Variants in SND1 observed in about 807,000 individuals in gnomAD.
The protein encoded by SND1 is staphylococcal nuclease and tudor domain containing 1, also known as staphylococcal nuclease domain-containing protein 1.
SND1 carries 38 observed loss-of-function variants against 121.7 expected under a neutral mutation model. The observed-to-expected ratio is 0.31, with a 90% CI of 0.24 to 0.41. The LOEUF (loss-of-function observed/expected upper bound fraction) is 0.41, where lower values mean the gene tolerates loss of function less well. SND1 is among the 10% of genes least tolerant of loss of function. The pLI, the probability that SND1 is intolerant of heterozygous loss-of-function variation, is 1.00. For synonymous variants in SND1, 401 were observed against 447.4 expected, an observed-to-expected ratio of 0.90 and a Z score of 1.31; for missense variants, 868 against 1,184.6, an observed-to-expected ratio of 0.73 and a Z score of 3.92.
chr7:127,857,876 TG>T (rs1312610400), intron 12 of SND1: 4 of 1,327,164 alleles, frequency 3.0e-6, no homozygotes, highest in Non-Finnish European at 4.3e-6. Flanking sequence ...TCAATGCGTT[TG>T]GAGTTGTAGA....
chr7:127,875,399 C>T (rs73721021), intron 12 of SND1, among the ~76,000 whole-genome samples: 2,585 of 152,186 alleles, frequency 0.017, 94 homozygotes, highest in African/African-American at 0.059. Context: ...CTACAGGCAC[C>T]GGCATGGGGA....
chr7:127,759,003 G>A (rs1275894185), intron 10 of SND1, among the ~76,000 whole-genome samples: 1 of 152,144 alleles, frequency 6.6e-6, no homozygotes, highest in Non-Finnish European at 1.5e-5. Context: ...ACAGTGAGCT[G>A]TGATTGTGCC....
chr7:127,653,591 T>G (rs1037361955), intron 1 of SND1, among the ~76,000 whole-genome samples: 2 of 152,156 alleles, frequency 1.3e-5, no homozygotes, highest in African/African-American at 4.8e-5. Context: ...GGAGGATTGC[T>G]TGAGGCCAGG....
chr7:127,989,838 G>C (rs191267831), intron 15 of SND1, among the ~76,000 whole-genome samples: 11 of 152,276 alleles, frequency 7.2e-5, no homozygotes, highest in African/African-American at 2.6e-4. Context: ...ATATTTGTAA[G>C]TCTCAGATAT....
intron 14 of SND1, among the ~76,000 whole-genome samples, chr7:127,907,391 C>A (rs191395886): frequency 6.6e-6 from 1 of 152,272 alleles, no homozygotes; most frequent in East Asian, 1.9e-4. Flanking sequence ...CGGCTTACAG[C>A]CAGATGAAAA....
intron 12 of SND1, among the ~76,000 whole-genome samples, chr7:127,856,969 TC>T (rs1396198046): frequency 6.6e-6 from 1 of 152,132 alleles, no homozygotes; most frequent in Non-Finnish European, 1.5e-5. Context: ...TGTGGAAAGA[TC>T]AGATCATTGA....
Position 127,652,409 on chromosome 7 carries a change from G to C in SND1, c.36G>C (p.Gly12=), listed in dbSNP as rs756456783. Residue 12 remains glycine, a synonymous_variant, in exon 1 of 24, where the codon GGG becomes GGC. Coordinates refer to ENST00000354725, the MANE Select transcript of SND1 (RefSeq NM_014390.4). ...ASSAQSGGSS[G]GPAVPTVQRG... ...CCGCGCAGAGCGGCGGCTCCTCCGG[G>C]GGACCCGCGGTCCCCACCGTGCAGC... The C allele has an allele frequency of 3.8e-6, 6 of 1,595,594 alleles. No individual in the cohort carries two copies. The highest frequency in any genetic ancestry group is 1.8e-5 in the Admixed American group (1 of 56,806).
chr7:127,771,991 A>G (rs1435783246), intron 10 of SND1, among the ~76,000 whole-genome samples: 1 of 152,190 alleles, frequency 6.6e-6, no homozygotes, highest in East Asian at 1.9e-4. Context: ...AATGTATGCA[A>G]CACTTCAGAG....
intron 7 of SND1, among the ~76,000 whole-genome samples, chr7:127,704,404 G>A (rs973391207): frequency 6.6e-6 from 1 of 152,196 alleles, no homozygotes; most frequent in Non-Finnish European, 1.5e-5. Flanking sequence ...TGGGCAAAAT[G>A]TAGCTTCCGT....
intron 1 of SND1, among the ~76,000 whole-genome samples, chr7:127,654,670 T>C (rs1284277854): frequency 2.0e-5 from 3 of 152,334 alleles, no homozygotes; most frequent in Non-Finnish European, 4.4e-5. Context: ...GTGTGGAAGA[T>C]GATTGAGTCT....
intron 12 of SND1, among the ~76,000 whole-genome samples, chr7:127,878,556 A>G (rs550086896): frequency 2.1e-4 from 32 of 152,152 alleles, no homozygotes; most frequent in Admixed American, 9.8e-4. Context: ...GTCACTCCAC[A>G]CTAGTTACCA....
intron 9 of SND1, among the ~76,000 whole-genome samples, chr7:127,720,610 G>C (rs1796477325): frequency 1.3e-5 from 2 of 152,296 alleles, no homozygotes; most frequent in African/African-American, 4.8e-5. Context: ...TCCCAGACTA[G>C]TTCTTTTTCT....
At chr7:127,754,260 A>G (rs962210295) in intron 10 of SND1, among the ~76,000 whole-genome samples, 1 of 152,198 alleles carries the variant, frequency 6.6e-6, no homozygotes, top group Non-Finnish European at 1.5e-5. Context: ...TTTCTTTCTT[A>G]AAGTGGGCCA....
intron 11 of SND1, among the ~76,000 whole-genome samples, chr7:127,834,033 C>G (rs1798818411): frequency 6.6e-6 from 1 of 151,994 alleles, no homozygotes. Context: ...AATTTCCTTC[C>G]TTTTTAAAGC....
At chr7:127,655,030 G>A (rs1795187669) in intron 1 of SND1, among the ~76,000 whole-genome samples, 1 of 152,222 alleles carries the variant, frequency 6.6e-6, no homozygotes, top group South Asian at 2.1e-4. Flanking sequence ...ATAGTTTGAT[G>A]AATAGGAAAA....
intron 11 of SND1, among the ~76,000 whole-genome samples, chr7:127,830,951 A>G (rs1207039862): frequency 2.6e-5 from 4 of 152,138 alleles, no homozygotes; most frequent in Non-Finnish European, 4.4e-5. Flanking sequence ...CATGAACCCT[A>G]TTTTTCCATA....
Position 127,936,673 on chromosome 7 carries a change from A to G in SND1, c.1669+7344A>G, listed in dbSNP as rs144939907. On this transcript the variant is annotated intron_variant, in intron 15 of 23. Transcript: ENST00000354725. ...AGTAATCCTCCCTCAGATCCTGAGT[A>G]TCTGAGACAGCAGGTGCATGCCACC... Among the ~76,000 whole-genome samples, 485 of 152,124 alleles carry G rather than the reference A, an allele frequency of 3.2e-3. 1 individual carries two copies. Among genetic ancestry groups the G allele is most frequent in the Admixed American group, 4.6e-3 (71 of 15,282 alleles).
chr7:127,772,690 G>A (rs1393977817), intron 10 of SND1, among the ~76,000 whole-genome samples: 1 of 85,942 alleles, frequency 1.2e-5, no homozygotes, highest in East Asian at 3.3e-4. Context: ...AATAAATTAT[G>A]AAACATGTAA....
intron 12 of SND1, among the ~76,000 whole-genome samples, chr7:127,856,301 C>A (rs951178783): frequency 6.6e-6 from 1 of 152,156 alleles, no homozygotes; most frequent in Non-Finnish European, 1.5e-5. Context: ...ATCTACTTTA[C>A]CTGTTTATCT....
Sources: gnomAD v4.1 joint callset for allele counts (sites outside exome capture counted in the v4.1 genomes callset) on GRCh38, gnomAD v4.1.1 for gene constraint, MANE v1.5 for transcripts, NCBI Gene and HGNC (gene_info 2026-07-23, HGNC 2026-07-21) for gene names.